Variants in KLHL29 observed in about 807,000 individuals in gnomAD.
KLHL29 encodes the protein kelch like family member 29, also known as kelch-like protein 29.
Under a neutral mutation model 80.4 loss-of-function variants are expected in KLHL29, and 21 were observed. The ratio of observed to expected loss-of-function variants is 0.26; its 90% confidence interval spans 0.19 to 0.38. The LOEUF is 0.38. Among genes scored for constraint, KLHL29 ranks in the 10% least tolerant of loss-of-function variants. KLHL29 has a pLI of 1.00. For missense variants in KLHL29, 867 were observed against 1,223.9 expected, an observed-to-expected ratio of 0.71 and a Z score of 4.35; for synonymous variants, 511 against 526.8, an observed-to-expected ratio of 0.97 and a Z score of 0.41.
chr2:23,646,952 C>T (rs191274593), intron 5 of KLHL29, among the ~76,000 whole-genome samples: 39 of 152,280 alleles, frequency 2.6e-4, no homozygotes, highest in Middle Eastern at 3.4e-3. Context: ...CCTGCTTACC[C>T]CAAAAGCAGC....
chr2:23,601,751 C>T (rs1388182488), intron 3 of KLHL29, among the ~76,000 whole-genome samples: 1 of 152,178 alleles, frequency 6.6e-6, no homozygotes, highest in Non-Finnish European at 1.5e-5. Context: ...TGGTAGGTTC[C>T]CAGGCTAGCC....
intron 2 of KLHL29, among the ~76,000 whole-genome samples, chr2:23,485,068 T>A (rs888539656): frequency 5.3e-5 from 8 of 152,164 alleles, no homozygotes; most frequent in African/African-American, 1.9e-4. Context: ...CCTGTCACTG[T>A]CCAGTATGCC....
At chr2:23,443,108 A>G (rs1663577915) in intron 1 of KLHL29, among the ~76,000 whole-genome samples, 1 of 152,194 alleles carries the variant, frequency 6.6e-6, no homozygotes, top group South Asian at 2.1e-4. Flanking sequence ...GAAAAGTTTA[A>G]AGAATAGTAC....
At chr2:23,477,183 C>T (rs1484784311) in intron 2 of KLHL29, among the ~76,000 whole-genome samples, 1 of 152,266 alleles carries the variant, frequency 6.6e-6, no homozygotes, top group Non-Finnish European at 1.5e-5. Flanking sequence ...GTATTCTCAG[C>T]CGCCCACCCT....
At chr2:23,485,527 G>A (rs1664911640) in intron 2 of KLHL29, among the ~76,000 whole-genome samples, 1 of 152,162 alleles carries the variant, frequency 6.6e-6, no homozygotes, top group Non-Finnish European at 1.5e-5. Flanking sequence ...ACTGTTCCAA[G>A]CATAGTCCAT....
rs1171226776 is a variant in KLHL29, at chr2:23,681,755, A to G, written c.941-2644A>G. On this transcript the variant is annotated intron_variant, in intron 5 of 13. Transcript: ENST00000486442. This position sits in a 1 kb window ranked among gnomAD's most constrained non-coding sequence, Gnocchi z 4.2. ...ATCCAGGTCTTCAGAATCCCAGCCC[A>G]GAATTCTGTCCCCTCCCCTACCGCT... Among the ~76,000 whole-genome samples, 2 of 152,172 alleles carry G rather than the reference A, an allele frequency of 1.3e-5. No homozygotes were observed. Among genetic ancestry groups the G allele is most frequent in the Non-Finnish European group, 2.9e-5 (2 of 68,028 alleles).
chr2:23,617,091 G>A (rs1311722992), intron 3 of KLHL29: 3 of 152,148 alleles, frequency 2.0e-5, no homozygotes, highest in Admixed American at 2.0e-4. Context: ...TGTTCTGAAG[G>A]GTTTCCATTT....
rs1318935426 is a variant in KLHL29, at chr2:23,552,544, A to T, written c.-45-9608A>T. On this transcript the variant is annotated intron_variant, in intron 2 of 13. Transcript: ENST00000486442. ...GCTGCACCCACTGCTGCTGAGGAAG[A>T]TTCAGCTCTGCCAGACGTTCTTCCC... Among the ~76,000 whole-genome samples the T allele has an allele frequency of 2.6e-5, 4 of 152,106 alleles. No homozygotes were observed. The East Asian group carries it at 7.7e-4, about 29-fold the overall frequency.
In KLHL29 at chr2:23,639,277, C is replaced by T. The variant is rs1433508943; in HGVS notation, c.424C>T (p.Pro142Ser). ...CAAACAGATGAGAGAGAGTGACAAT[C>T]CAGGTACGTACCTCATCGGCAGATA... ...PSKQMRESDN[P>S]GTGPWVTTVA... is the part of the protein sequence containing the mutation. Residue 142 changes from proline (P) to serine (S), a missense_variant, in exon 4 of 14, where the codon CCA becomes TCA. Pro to Ser is a moderately conservative substitution (Grantham distance 74). This residue lies in a region of KLHL29 where 424 missense variants were observed against 456.9 expected (regional missense o/e 0.93). Coordinates refer to ENST00000486442, the MANE Select transcript of KLHL29 (RefSeq NM_052920.2). The T allele has an allele frequency of 1.3e-6, 2 of 1,547,424 alleles. No individual in the cohort carries two copies. The highest frequency in any genetic ancestry group is 1.7e-6 in the Non-Finnish European group (2 of 1,145,212).
At chr2:23,406,871 A>G (rs1046795838) in intron 1 of KLHL29, among the ~76,000 whole-genome samples, 1 of 152,258 alleles carries the variant, frequency 6.6e-6, no homozygotes, top group Non-Finnish European at 1.5e-5. Flanking sequence ...TATAAAAGTA[A>G]TGTTCTTTAT....
At chr2:23,527,412 G>A (rs779402291) in intron 2 of KLHL29, among the ~76,000 whole-genome samples, 1 of 152,192 alleles carries the variant, frequency 6.6e-6, no homozygotes, top group Non-Finnish European at 1.5e-5. Flanking sequence ...CAAAAGCCCC[G>A]CCATGCTGTC....
chr2:23,540,408 G>A (rs1050751659), intron 2 of KLHL29, among the ~76,000 whole-genome samples: 6 of 152,242 alleles, frequency 3.9e-5, no homozygotes, highest in African/African-American at 4.8e-5. Context: ...TCATAGAAGC[G>A]TTTCCACCAT....
At chr2:23,559,891 C>T (rs549782743) in intron 2 of KLHL29, among the ~76,000 whole-genome samples, 1 of 152,140 alleles carries the variant, frequency 6.6e-6, no homozygotes, top group South Asian at 2.1e-4. Context: ...GAAGAGGAGC[C>T]CGCCAAGGAG....
intron 2 of KLHL29, among the ~76,000 whole-genome samples, chr2:23,485,090 C>T (rs1664896071): frequency 2.0e-5 from 3 of 152,178 alleles, no homozygotes; most frequent in Admixed American, 1.3e-4. Context: ...AAGGCTCATT[C>T]CCACCCCCAG....
At chr2:23,498,840 C>G (rs901408277) in intron 2 of KLHL29, among the ~76,000 whole-genome samples, 32 of 152,174 alleles carry the variant, frequency 2.1e-4, no homozygotes, top group African/African-American at 7.5e-4. Context: ...CAAGGCAGAA[C>G]CTGGGTGAGG....
At chr2:23,566,915 T>A (rs1667601729) in intron 3 of KLHL29, among the ~76,000 whole-genome samples, 1 of 152,090 alleles carries the variant, frequency 6.6e-6, no homozygotes, top group African/African-American at 2.4e-5. Context: ...GGGAAACCTG[T>A]CCCCCCCTGG....
At chr2:23,492,992 C>G (rs570020613) in intron 2 of KLHL29, among the ~76,000 whole-genome samples, 1 of 152,220 alleles carries the variant, frequency 6.6e-6, no homozygotes, top group Admixed American at 6.5e-5. Context: ...ACTTTCATCT[C>G]TCCCTCATCT....
intron 1 of KLHL29, among the ~76,000 whole-genome samples, chr2:23,429,968 C>G (rs191854442): frequency 6.6e-6 from 1 of 152,228 alleles, no homozygotes; most frequent in African/African-American, 2.4e-5. Flanking sequence ...TCTCAACAGT[C>G]CTCCTGGATA....
chr2:23,388,950 T>C (rs1201631134), intron 1 of KLHL29, among the ~76,000 whole-genome samples: 2 of 151,110 alleles, frequency 1.3e-5, no homozygotes, highest in East Asian at 1.9e-4. Flanking sequence ...CCTTCCTTCC[T>C]CCTTTTTGCT....
Sources: allele counts gnomAD v4.1 joint callset (sites outside exome capture counted in the v4.1 genomes callset), GRCh38; gene constraint gnomAD v4.1.1; regional missense constraint gnomAD v4.1.1; non-coding constraint Gnocchi (gnomAD v3.1); transcripts MANE v1.5; gene names NCBI Gene and HGNC (gene_info 2026-07-23, HGNC 2026-07-21).